Variants in PPP1R9A observed in about 807,000 individuals in gnomAD.
PPP1R9A encodes neurabin-1.
A neutral mutation model predicts 141.9 loss-of-function variants in PPP1R9A; 59 were observed. The ratio of observed to expected loss-of-function variants is 0.42; its 90% confidence interval spans 0.34 to 0.52. The LOEUF is 0.52. Ranked by LOEUF, PPP1R9A falls within the 20% of genes least tolerant of loss-of-function variation. PPP1R9A has a pLI of 0.10. For missense variants in PPP1R9A, 1,444 were observed against 1,611.9 expected (o/e 0.90, Z 1.78); for synonymous variants, 500 against 569.7 (o/e 0.88, Z 1.74).
In PPP1R9A at chr7:95,290,050, T is replaced by C. The variant is rs17166759; in HGVS notation, c.3913-41T>C. ...TATGTTAACACCATCAGAGGGCTCA[T>C]TGGTTTTCAAATTCAGTTTGTGTGT... On this transcript the variant is annotated intron_variant, in intron 19 of 19. Transcript: ENST00000433360. The C allele has an allele frequency of 2.8e-3, 4,470 of 1,606,036 alleles. 91 individuals are homozygous for C. In the African/African-American group the frequency reaches 0.048, roughly 17 times the overall value.
At chr7:95,201,729 T>G (rs763054840) in intron 6 of PPP1R9A, among the ~76,000 whole-genome samples, 14 of 152,194 alleles carry the variant, frequency 9.2e-5, no homozygotes, top group Non-Finnish European at 1.6e-4. Context: ...ATTTATTGAT[T>G]AGTATATCTT....
At chr7:95,238,219 C>T (rs1392607009) in intron 8 of PPP1R9A, among the ~76,000 whole-genome samples, 1 of 152,108 alleles carries the variant, frequency 6.6e-6, no homozygotes, top group Non-Finnish European at 1.5e-5. Context: ...TTCCAGCTCA[C>T]CTATACTTCT....
chr7:94,965,308 A>T (rs1361135976), intron 2 of PPP1R9A, among the ~76,000 whole-genome samples: 3 of 151,904 alleles, frequency 2.0e-5, no homozygotes, highest in Admixed American at 1.3e-4. Flanking sequence ...TGCTGTGCAG[A>T]AGCTCTTTAA....
intron 8 of PPP1R9A, among the ~76,000 whole-genome samples, chr7:95,244,901 A>T (rs1267796904): frequency 2.0e-5 from 3 of 152,194 alleles, no homozygotes; most frequent in African/African-American, 7.2e-5. Flanking sequence ...TATGACTTAT[A>T]AGGAACTGAA....
chr7:94,954,580 T>G (rs1018695116), intron 2 of PPP1R9A, among the ~76,000 whole-genome samples: 1 of 151,864 alleles, frequency 6.6e-6, no homozygotes, highest in African/African-American at 2.4e-5. Flanking sequence ...TCAATAGATT[T>G]CTTAAAAATT....
chr7:95,139,759 A>C (rs1826294168), intron 4 of PPP1R9A, among the ~76,000 whole-genome samples: 1 of 150,338 alleles, frequency 6.7e-6, no homozygotes, highest in African/African-American at 2.4e-5. Context: ...ATATTCCCTC[A>C]TGTGGGAGCT....
chr7:95,133,583 A>C (rs2152537539), intron 4 of PPP1R9A, among the ~76,000 whole-genome samples: 1 of 149,058 alleles, frequency 6.7e-6, no homozygotes, highest in South Asian at 2.1e-4. Context: ...TGTTGTTTCA[A>C]GATATTGGTG....
At chr7:95,110,696 A>G (rs1820401179) in intron 2 of PPP1R9A, among the ~76,000 whole-genome samples, 1 of 152,196 alleles carries the variant, frequency 6.6e-6, no homozygotes, top group South Asian at 2.1e-4. Context: ...TTTCATAATA[A>G]TTTCATAAAA....
At chr7:95,065,443 A>G (rs1812813363) in intron 2 of PPP1R9A, among the ~76,000 whole-genome samples, 1 of 152,182 alleles carries the variant, frequency 6.6e-6, no homozygotes, top group African/African-American at 2.4e-5. Flanking sequence ...TTCTAGATAT[A>G]TACATCTTAG....
At chr7:95,231,456 A>G (rs1585370139) in intron 8 of PPP1R9A, among the ~76,000 whole-genome samples, 1 of 152,192 alleles carries the variant, frequency 6.6e-6, no homozygotes, top group African/African-American at 2.4e-5. Context: ...CATTCTATTC[A>G]TCGGCACATG....
rs892406869 is a variant in PPP1R9A, at chr7:95,277,479, G to A, written c.3296+3311G>A. On this transcript the variant is annotated intron_variant, in intron 16 of 19. Transcript: ENST00000433360. ...GTGTCTCACTCTGTTGCCCAGGCTG[G>A]AGGACTATGGCACAATCACAGCTCA... Among the ~76,000 whole-genome samples the A allele has an allele frequency of 3.3e-5, 5 of 152,094 alleles. 1 individual carries two copies. The highest frequency in any genetic ancestry group is 1.2e-4 in the African/African-American group (5 of 41,482).
intron 5 of PPP1R9A, among the ~76,000 whole-genome samples, chr7:95,170,473 A>G (rs1208574032): frequency 2.0e-5 from 3 of 151,730 alleles, no homozygotes; most frequent in Non-Finnish European, 4.4e-5. Flanking sequence ...AGTAAAGAAG[A>G]AAATTATAAA....
chr7:95,253,993 T>C (rs1799242724), intron 12 of PPP1R9A, among the ~76,000 whole-genome samples: 1 of 152,162 alleles, frequency 6.6e-6, no homozygotes, highest in African/African-American at 2.4e-5. Flanking sequence ...TATTAAATTA[T>C]ATGACTACAG....
In PPP1R9A at chr7:94,910,417, C is replaced by G. The variant is rs1562976681; in HGVS notation, c.304C>G (p.Pro102Ala). ...GHSSPQRRMK[P>A]KEFLEKTDGS... ...TTCATCTCCTCAGAGAAGAATGAAG[C>G]CCAAAGAATTTCTGGAAAAAACAGA... The change falls in exon 2 of 20, where the codon CCC becomes GCC. Residue 102 changes from proline (P) to alanine (A), a missense_variant. Physicochemically the swap from Pro to Ala is conservative, Grantham distance 27. Around this residue, in one of 5 missense-constraint regions of PPP1R9A, gnomAD observed 490 missense variants for 521.1 expected, o/e 0.94. Transcript: ENST00000433360. The surrounding 1 kb of genome is among the most constrained non-coding windows in gnomAD (Gnocchi z 4.5). 1 of 1,613,996 alleles carries G rather than the reference C, an allele frequency of 6.2e-7. No homozygotes were observed. Among genetic ancestry groups the G allele is most frequent in the African/African-American group, 1.3e-5 (1 of 74,986 alleles).
intron 6 of PPP1R9A, among the ~76,000 whole-genome samples, chr7:95,200,557 G>A (rs1263677472): frequency 6.6e-6 from 1 of 152,076 alleles, no homozygotes; most frequent in Non-Finnish European, 1.5e-5. Flanking sequence ...TGGGATTACA[G>A]GTGTGAGCCA....
intron 6 of PPP1R9A, among the ~76,000 whole-genome samples, chr7:95,202,274 AG>A (rs1391466387): frequency 6.6e-6 from 1 of 152,060 alleles, no homozygotes; most frequent in East Asian, 1.9e-4. Context: ...CATCTTTAGA[AG>A]GGTTTAAAAT....
chr7:95,284,194 T>G lies in PPP1R9A; in HGVS notation c.3473T>G (p.Ile1158Ser), dbSNP rs1275350990. Residue 1158 changes from isoleucine to serine, a missense_variant, in exon 17 of 20, where the codon ATT becomes AGT. Coordinates refer to ENST00000433360, the MANE Select transcript of PPP1R9A (RefSeq NM_001166160.2). ...CTTCAGCCTTCTCCTGAGACTCTAA[T>G]TTCAGATAAAAAGGGGTCCAAGGTA... is the stretch of plus-strand genomic sequence containing the variant. The part of the protein sequence containing the change: ...SSLQPSPETL[I>S]SDKKGSKVEN... 1.3e-6 allele frequency: 2 copies of G among 1,582,252 alleles called. No homozygotes were observed. The highest frequency in any genetic ancestry group is 2.2e-5 in the South Asian group (2 of 90,726).
chr7:95,186,069 A>G (rs149261077), intron 5 of PPP1R9A, among the ~76,000 whole-genome samples: 34 of 151,656 alleles, frequency 2.2e-4, no homozygotes, highest in African/African-American at 8.0e-4. Flanking sequence ...AAGAATGATG[A>G]TAGTGTTTTG....
chr7:95,186,084 G>C (rs1373763580), intron 5 of PPP1R9A, among the ~76,000 whole-genome samples: 1 of 151,838 alleles, frequency 6.6e-6, no homozygotes, highest in East Asian at 1.9e-4. Context: ...GTTTTGATAG[G>C]AATTGCATTG....
Sources: gnomAD v4.1 joint callset for allele counts (sites outside exome capture counted in the v4.1 genomes callset) on GRCh38, gnomAD v4.1.1 for gene constraint, gnomAD v4.1.1 regional missense constraint, Gnocchi (gnomAD v3.1) non-coding constraint, MANE v1.5 for transcripts, NCBI Gene and HGNC (gene_info 2026-07-23, HGNC 2026-07-21) for gene names.